Variants in SGCZ observed in about 807,000 individuals in gnomAD.
SGCZ encodes the protein sarcoglycan zeta, also known as zeta-sarcoglycan.
In SGCZ, 40 loss-of-function variants were observed where a neutral mutation model predicts 41.3. The observed-to-expected ratio is 0.97, with a 90% CI of 0.75 to 1.26. SGCZ has a LOEUF of 1.26. Among genes scored for constraint, SGCZ ranks in the 50% most tolerant of loss-of-function variants. The pLI is 0.00. For missense variants in SGCZ, 552 were observed against 369.8 expected (o/e 1.49, Z -4.04); for synonymous variants, 206 against 137.5 (o/e 1.50, Z -3.49).
intron 1 of SGCZ, among the ~76,000 whole-genome samples, chr8:15,089,613 T>C (rs1806075865): frequency 6.6e-6 from 1 of 152,208 alleles, no homozygotes; most frequent in South Asian, 2.1e-4. Context: ...CTCCAAGCCA[T>C]TCACAAACTT....
intron 1 of SGCZ, among the ~76,000 whole-genome samples, chr8:14,771,096 A>G (rs1275848982): frequency 6.6e-6 from 1 of 152,156 alleles, no homozygotes; most frequent in East Asian, 1.9e-4. Context: ...ATCATGGAAT[A>G]TATGGTGTAG....
At chr8:14,464,718 A>C (rs1400339831) in intron 2 of SGCZ, among the ~76,000 whole-genome samples, 1 of 151,358 alleles carries the variant, frequency 6.6e-6, no homozygotes, top group African/African-American at 2.4e-5. Context: ...TTGTCTTTTA[A>C]ACATTTATAA....
At chr8:15,038,423 AC>A (rs1335655818) in intron 1 of SGCZ, among the ~76,000 whole-genome samples, 1 of 151,978 alleles carries the variant, frequency 6.6e-6, no homozygotes, top group Non-Finnish European at 1.5e-5. Flanking sequence ...ATGAAACTAG[AC>A]CCCTATTTCA....
At chr8:14,608,067 T>C (rs1805809936) in intron 1 of SGCZ, among the ~76,000 whole-genome samples, 1 of 152,140 alleles carries the variant, frequency 6.6e-6, no homozygotes, top group Non-Finnish European at 1.5e-5. Flanking sequence ...GAAAAGCATA[T>C]CCTTACTCCT....
At chr8:14,389,065 T>G (rs1370287139) in intron 2 of SGCZ, among the ~76,000 whole-genome samples, 2 of 151,952 alleles carry the variant, frequency 1.3e-5, no homozygotes, top group African/African-American at 4.8e-5. Flanking sequence ...CAATTTTAAT[T>G]TTTAGATATG....
At chr8:14,267,101 G>T (rs1799897671) in intron 3 of SGCZ, among the ~76,000 whole-genome samples, 1 of 152,042 alleles carries the variant, frequency 6.6e-6, no homozygotes, top group South Asian at 2.1e-4. Flanking sequence ...TATAATGAGT[G>T]TGGTAGATAA....
chr8:14,290,718 C>G (rs534973170), intron 3 of SGCZ, among the ~76,000 whole-genome samples: 1 of 125,994 alleles, frequency 7.9e-6, no homozygotes. Context: ...GAATAGTGAA[C>G]AAATACACTG....
At chr8:14,675,142 G>A (rs375854852) in intron 1 of SGCZ, among the ~76,000 whole-genome samples, 126 of 151,004 alleles carry the variant, frequency 8.3e-4, no homozygotes, top group Non-Finnish European at 9.4e-4. Context: ...GGCTTTCACC[G>A]TGTTAGTCAG....
intron 1 of SGCZ, among the ~76,000 whole-genome samples, chr8:14,654,618 C>G (rs1807502205): frequency 6.6e-6 from 1 of 152,010 alleles, no homozygotes; most frequent in Admixed American, 6.6e-5. Context: ...GTCGCCCAGG[C>G]TGGAATGCAA....
At chr8:14,495,427 C>A (rs1237135985) in intron 2 of SGCZ, among the ~76,000 whole-genome samples, 2 of 151,956 alleles carry the variant, frequency 1.3e-5, no homozygotes, top group Non-Finnish European at 2.9e-5. Context: ...AACACTAAGC[C>A]CCACTGAAAA....
At chr8:14,620,510 G>A (rs541371080) in intron 1 of SGCZ, among the ~76,000 whole-genome samples, 55 of 152,132 alleles carry the variant, frequency 3.6e-4, no homozygotes, top group African/African-American at 9.9e-4. Flanking sequence ...GCAACCTACA[G>A]AATGGGAGAA....
intron 1 of SGCZ, among the ~76,000 whole-genome samples, chr8:15,029,277 G>C (rs1042552136): frequency 2.0e-5 from 3 of 152,006 alleles, no homozygotes; most frequent in Non-Finnish European, 4.4e-5. Context: ...AAAGCACTTA[G>C]AATTAGCAGT....
At chr8:14,240,639 T>C (rs979456777) in intron 3 of SGCZ, among the ~76,000 whole-genome samples, 2 of 152,192 alleles carry the variant, frequency 1.3e-5, no homozygotes, top group Non-Finnish European at 1.5e-5. Context: ...ATCAATATAG[T>C]ATTAAGCTAT....
At position 14,432,914 on chromosome 8, in the gene SGCZ, C is replaced by CAAAAAAAAAAAAAA. The variant is rs767979164; in HGVS notation, c.235-108724_235-108711dup. Among the ~76,000 whole-genome samples the CAAAAAAAAAAAAAA allele has an allele frequency of 2.6e-5, 2 of 75,630 alleles. 1 individual carries two copies. Among genetic ancestry groups the CAAAAAAAAAAAAAA allele is most frequent in the African/African-American group, 1.2e-4 (2 of 16,010 alleles). The allele number at this position is 75,630 out of a possible 152,430, so 49.6% of individuals were successfully genotyped here. A position where few individuals can be genotyped will look rare whatever the true frequency, so the allele number is the denominator to read the frequency against. ...GGGCAAAAGAGTGAGACTGTGTCTC[C>CAAAAAAAAAAAAAA]AAAAAAAAAAAAAAAAAAAAAAAAA... On this transcript the variant is annotated intron_variant, in intron 2 of 7. Coordinates refer to ENST00000382080, the MANE Select transcript of SGCZ (RefSeq NM_139167.4).
chr8:14,195,027 A>G (rs2117055299), intron 4 of SGCZ, among the ~76,000 whole-genome samples: 1 of 152,244 alleles, frequency 6.6e-6, no homozygotes, highest in Middle Eastern at 3.4e-3. Context: ...ACCCTAATAT[A>G]CCTAGCACCA....
chr8:14,430,330 C>G (rs528458480), intron 2 of SGCZ, among the ~76,000 whole-genome samples: 7 of 152,162 alleles, frequency 4.6e-5, no homozygotes, highest in Admixed American at 2.0e-4. Context: ...AACAACATAT[C>G]AAAAAGATAA....
At position 14,795,442 on chromosome 8, in the gene SGCZ, T is replaced by C. The variant is rs558021901; in HGVS notation, c.40-240516A>G. The stretch of plus-strand genomic sequence containing the variant: ...CATACTTTGGGGTTTTTTTTTCATT[T>C]GTTTGTTTTTGTTTCTTTTTGAGAC... On this transcript the variant is annotated intron_variant, in intron 1 of 7. Coordinates refer to ENST00000382080, the MANE Select transcript of SGCZ (RefSeq NM_139167.4). Among the ~76,000 whole-genome samples the C allele has an allele frequency of 1.6e-4, 25 of 152,168 alleles. 1 individual carries two copies. The South Asian group carries it at 4.6e-3, about 28-fold the overall frequency.
intron 2 of SGCZ, among the ~76,000 whole-genome samples, chr8:14,449,338 A>G (rs1800524213): frequency 6.6e-6 from 1 of 152,194 alleles, no homozygotes; most frequent in Non-Finnish European, 1.5e-5. Flanking sequence ...TCTCAAAAAT[A>G]CAAGATGAAT....
At chr8:15,205,802 C>T (rs1801041050) in intron 1 of SGCZ, among the ~76,000 whole-genome samples, 1 of 152,138 alleles carries the variant, frequency 6.6e-6, no homozygotes, top group Non-Finnish European at 1.5e-5. Flanking sequence ...ACCATAAAGA[C>T]ACATGCACAC....
Sources: gnomAD v4.1 joint callset for allele counts (sites outside exome capture counted in the v4.1 genomes callset) on GRCh38, gnomAD v4.1.1 for gene constraint, MANE v1.5 for transcripts, NCBI Gene and HGNC (gene_info 2026-07-23, HGNC 2026-07-21) for gene names.